Variants in OR3A1 observed in about 807,000 individuals in gnomAD.
OR3A1 encodes the protein olfactory receptor 3A1.
For synonymous variants in OR3A1, 145 were observed against 160.0 expected, an observed-to-expected ratio of 0.91 and a Z score of 0.71; for missense variants, 402 against 393.8, an observed-to-expected ratio of 1.02 and a Z score of -0.18.
rs1567544221 is a variant in OR3A1, at chr17:3,292,033, G to C, written c.550C>G (p.Leu184Val). The C allele has an allele frequency of 6.2e-7, 1 of 1,614,204 alleles. No individual in the cohort carries two copies. The highest frequency in any genetic ancestry group is 8.5e-7 in the Non-Finnish European group (1 of 1,180,032). ...CAGGAGAGCTGGAAGAGCTGTGGGA[G>C]GTCACAGTAGAAGTGATTGATCACA... Reference protein sequence around the residue: ...PNVINHFYCDLPQLFQLSCSS... With the variant: ...PNVINHFYCDVPQLFQLSCSS... The change falls in exon 2 of 2, where the codon CTC becomes GTC. Residue 184 changes from leucine (L) to valine (V), a missense_variant. By Grantham distance (32) the Leu-to-Val change is conservative. Coordinates refer to ENST00000323404, the MANE Select transcript of OR3A1 (RefSeq NM_002550.3).
rs1455170208 is a variant in OR3A1, at chr17:3,291,735, AC to A, written c.847del (p.Val283SerfsTer6). Reference protein sequence around the residue: ...KDKAVGIFNTVINPMLNPIIY... With the variant: ...KDKAVGIFNTXINPMLNPIIY... Reference sequence around the variant, plus strand: ...GATTGGGTTCAGCATGGGATTGATGACAGTGTTGAAAATTCCAACAGCTTTA... The same window carrying A: ...GATTGGGTTCAGCATGGGATTGATGAAGTGTTGAAAATTCCAACAGCTTTA... On this transcript the variant is annotated frameshift_variant, in exon 2 of 2. Transcript: ENST00000323404. LOFTEE classifies it low-confidence loss of function (END_TRUNC). 1 of 1,613,786 alleles carries A rather than the reference AC, an allele frequency of 6.2e-7. No homozygotes were observed. Among genetic ancestry groups the A allele is most frequent in the Non-Finnish European group, 8.5e-7 (1 of 1,179,666 alleles).
chr17:3,294,400 G>A, intron 1 of OR3A1, among the ~76,000 whole-genome samples: 1 of 151,854 alleles, frequency 6.6e-6, no homozygotes, highest in Non-Finnish European at 1.5e-5. Flanking sequence ...TTTAAAAGAT[G>A]ACAAGATGCA....
At chr17:3,295,096 T>C (rs1392759192) in intron 1 of OR3A1, among the ~76,000 whole-genome samples, 1 of 151,994 alleles carries the variant, frequency 6.6e-6, no homozygotes, top group African/African-American at 2.4e-5. Flanking sequence ...TTTGTGAAAA[T>C]TGTAAGTATG....
intron 1 of OR3A1, 57 bp from the exon 2 acceptor site, chr17:3,292,645 C>A: frequency 7.1e-7 from 1 of 1,412,814 alleles, no homozygotes; most frequent in East Asian, 2.3e-5. Flanking sequence ...TTTATTTACT[C>A]AAGAAAAAGA....
chr17:3,296,767 G>C (rs1242075494), intron 1 of OR3A1, among the ~76,000 whole-genome samples: 1 of 152,020 alleles, frequency 6.6e-6, no homozygotes, highest in African/African-American at 2.4e-5. Context: ...ATTACTATGG[G>C]AAAAAGATAC....
At chr17:3,295,175 G>A (rs2048909503) in intron 1 of OR3A1, among the ~76,000 whole-genome samples, 1 of 152,180 alleles carries the variant, frequency 6.6e-6, no homozygotes, top group Non-Finnish European at 1.5e-5. Context: ...AAAGGAGATA[G>A]GAGGACGTAT....
In OR3A1 at chr17:3,291,101, G is replaced by A. The variant is rs1367274973; in HGVS notation, c.*534C>T. The A allele has an allele frequency of 6.6e-6, 1 of 152,560 alleles. No individual in the cohort carries two copies. The highest frequency in any genetic ancestry group is 2.4e-5 in the African/African-American group (1 of 41,418). 9.5% of individuals were successfully genotyped at this position (152,560 alleles called of 1,614,324 possible). On this transcript the variant is annotated 3_prime_UTR_variant, in exon 2 of 2. Transcript: ENST00000323404. ...CCCCTCTGTCCCCTGTCTATGCTAT[G>A]GGGTCCTTGTTTAATGGGAATAGAA...
At position 3,292,288 on chromosome 17, in the gene OR3A1, C is replaced by A. The variant is rs369737085; in HGVS notation, c.295G>T (p.Ala99Ser). The A allele has an allele frequency of 3.1e-6, 5 of 1,614,036 alleles. No homozygotes were observed. The highest frequency in any genetic ancestry group is 4.2e-6 in the Non-Finnish European group (5 of 1,180,014). ...LSRKRAVPCGACLTQLFFFHL... is the reference protein window; with the variant it reads ...LSRKRAVPCGSCLTQLFFFHL... ...AAGAAGAAGAGCTGGGTAAGGCAGG[C>A]CCCACAGGGAACTGCACGCTTGCGG... is the stretch of plus-strand genomic sequence containing the variant. The change falls in exon 2 of 2, where the codon GCC becomes TCC. Residue 99 changes from alanine (A) to serine (S), a missense_variant. Physicochemically the swap from Ala to Ser is moderately conservative, Grantham distance 99. Transcript: ENST00000323404.
rs1033243552 is a variant in OR3A1 at position 3,292,549 on chromosome 17, T to C, written c.34A>G (p.Ile12Val). The C allele has an allele frequency of 2.5e-6, 4 of 1,612,844 alleles. No individual in the cohort carries two copies. Among genetic ancestry groups the C allele is most frequent in the Middle Eastern group, 3.3e-4 (2 of 6,046 alleles). Residue 12 changes from isoleucine to valine, a missense_variant, in exon 2 of 2, where the codon ATT (isoleucine) becomes GTT (valine). Transcript: ENST00000323404. The stretch of plus-strand genomic sequence containing the variant: ...AAGCCCAGCAGGATGAACTCAGCAA[T>C]GACTGTTCCATTGGCCCCAGATTCT... ...QPESGANGTV[I>V]AEFILLGLLE...
intron 1 of OR3A1, 143 bp downstream of exon 1, chr17:3,298,140 A>T (rs577408941): frequency 6.6e-6 from 1 of 152,304 alleles, no homozygotes; most frequent in East Asian, 1.9e-4. Flanking sequence ...AGACCCTATG[A>T]ATAAATAAGA....
Position 3,291,229 on chromosome 17 carries a change from A to C in OR3A1, c.*406T>G, listed in dbSNP as rs1032188490. The stretch of plus-strand genomic sequence containing the variant: ...TAATCTCTAGACCTATGTTTTATAA[A>C]CAGACCAAGCACACCTGAACTTGAG... On this transcript the variant is annotated 3_prime_UTR_variant, in exon 2 of 2. Coordinates refer to ENST00000323404, the MANE Select transcript of OR3A1 (RefSeq NM_002550.3). 5.9e-6 allele frequency: 1 copy of C among 168,594 alleles called. No homozygotes were observed. Among genetic ancestry groups the C allele is most frequent in the Non-Finnish European group, 1.3e-5 (1 of 78,876 alleles). The allele number at this position is 168,594 out of a possible 1,614,324, so 10.4% of individuals were successfully genotyped here. A position where few individuals can be genotyped will look rare whatever the true frequency, so the allele number is the denominator to read the frequency against.
chr17:3,291,078 C>T lies in OR3A1; in HGVS notation c.*557G>A, dbSNP rs962570834. On this transcript the variant is annotated 3_prime_UTR_variant, in exon 2 of 2. Coordinates refer to ENST00000323404, the MANE Select transcript of OR3A1 (RefSeq NM_002550.3). The stretch of plus-strand genomic sequence containing the variant: ...GAGAATACATAATCATACAGCTTCC[C>T]CTCTGTCCCCTGTCTATGCTATGGG... 4.6e-5 allele frequency: 7 copies of T among 152,252 alleles called. No individual in the cohort carries two copies. Among genetic ancestry groups the T allele is most frequent in the Non-Finnish European group, 1.0e-4 (7 of 68,112 alleles). The allele number at this position is 152,252 out of a possible 1,614,324, so 9.4% of individuals were successfully genotyped here.
rs185057612 is a variant in OR3A1 at position 3,293,528 on chromosome 17, C to T, written c.-6-940G>A. 1.3e-4 allele frequency among the ~76,000 whole-genome samples: 20 copies of T among 152,150 alleles called. No individual in the cohort carries two copies. The East Asian group carries it at 3.7e-3, about 28-fold the overall frequency. On this transcript the variant is annotated intron_variant, in intron 1 of 1. Transcript: ENST00000323404. ...AGCATCTTGTGAATATCTAGTTTGG[C>T]AAAAACTCATGTCATTTAAGGATTA...
Position 3,291,278 on chromosome 17 carries a change from G to C in OR3A1, c.*357C>G, listed in dbSNP as rs113609258. The C allele has an allele frequency of 4.5e-3, 896 of 199,846 alleles. 12 individuals are homozygous for C. Among genetic ancestry groups the C allele is most frequent in the African/African-American group, 0.02 (849 of 43,326 alleles). The allele number at this position is 199,846 out of a possible 1,614,324, so 12.4% of individuals were successfully genotyped here. Reference sequence around the variant, plus strand: ...AGGGAAAAATATGACTTCTGGCGGGGAGTTTTCTGGGGTACTTCTGGCAAC... The same window carrying C: ...AGGGAAAAATATGACTTCTGGCGGGCAGTTTTCTGGGGTACTTCTGGCAAC... On this transcript the variant is annotated 3_prime_UTR_variant, in exon 2 of 2. Coordinates refer to ENST00000323404, the MANE Select transcript of OR3A1 (RefSeq NM_002550.3).
In OR3A1 at chr17:3,292,482, A is replaced by T. The variant is rs773023996; in HGVS notation, c.101T>A (p.Phe34Tyr). 1.9e-6 allele frequency: 3 copies of T among 1,613,668 alleles called. No homozygotes were observed. The highest frequency in any genetic ancestry group is 2.5e-6 in the Non-Finnish European group (3 of 1,179,918). ...PGLQPVVFVLFLFAYLVTVRG... is the reference protein window; with the variant it reads ...PGLQPVVFVLYLFAYLVTVRG... ...GACCGTGACCAGGTAGGCAAAGAGGAAGAGCACAAAGACAACTGGCTGCAG... is the reference window on the plus strand; with the variant it reads ...GACCGTGACCAGGTAGGCAAAGAGGTAGAGCACAAAGACAACTGGCTGCAG... The change falls in exon 2 of 2, where the codon TTC (phenylalanine) becomes TAC (tyrosine). Residue 34 changes from phenylalanine to tyrosine, a missense_variant. Physicochemically the swap from Phe to Tyr is conservative, Grantham distance 22. Transcript: ENST00000323404.
Position 3,292,115 on chromosome 17 carries a change from G to A in OR3A1, c.468C>T (p.Phe156=). 6.2e-7 allele frequency: 1 copy of A among 1,614,188 alleles called. No individual in the cohort carries two copies. The highest frequency in any genetic ancestry group is 8.5e-7 in the Non-Finnish European group (1 of 1,180,034). The change falls in exon 2 of 2, where the codon TTC becomes TTT. Residue 156 remains phenylalanine (F), a synonymous_variant. Coordinates refer to ENST00000323404, the MANE Select transcript of OR3A1 (RefSeq NM_002550.3). The part of the protein sequence containing the change: ...MLVAASWACA[F]TNALTHTVAM... ...CCACAGTGTGGGTCAGTGCGTTGGT[G>A]AAAGCACAAGCCCAGGACGCAGCCA...
rs2048864557 is a variant in OR3A1 at position 3,291,358 on chromosome 17, C to T, written c.*277G>A. 3.0e-6 allele frequency: 1 copy of T among 335,194 alleles called. No individual in the cohort carries two copies. Among genetic ancestry groups the T allele is most frequent in the African/African-American group, 2.1e-5 (1 of 47,596 alleles). 20.8% of individuals were successfully genotyped at this position (335,194 alleles called of 1,614,324 possible). On this transcript the variant is annotated 3_prime_UTR_variant, in exon 2 of 2. Coordinates refer to ENST00000323404, the MANE Select transcript of OR3A1 (RefSeq NM_002550.3). ...CTTCTGGAACATGAACCTGTCAGCA[C>T]TCACAGCTTCCTAGGTTTCACCTCT...
intron 1 of OR3A1, among the ~76,000 whole-genome samples, chr17:3,295,184 A>G (rs16952831): frequency 6.6e-6 from 1 of 152,126 alleles, no homozygotes; most frequent in Non-Finnish European, 1.5e-5. Flanking sequence ...AGGAGGACGT[A>G]TGTGTTGATT....
Position 3,292,231 on chromosome 17 carries a change from G to A in OR3A1, c.352C>T (p.Leu118=), listed in dbSNP as rs772479742. ...AATCGGTCATAGGCCATGGCGGTCA[G>A]CAGGAAGCAGTCCACTCCAACGAAC... ...HLFVGVDCFL[L]TAMAYDRFLA... is the part of the protein sequence containing the mutation. Residue 118 remains leucine, a synonymous_variant, in exon 2 of 2, where the codon CTG becomes TTG. Coordinates refer to ENST00000323404, the MANE Select transcript of OR3A1 (RefSeq NM_002550.3). The A allele has an allele frequency of 5.0e-6, 8 of 1,614,162 alleles. No homozygotes were observed. In the South Asian group the frequency reaches 7.7e-5, roughly 16 times the overall value.
Sources: allele counts gnomAD v4.1 joint callset (sites outside exome capture counted in the v4.1 genomes callset), GRCh38; gene constraint gnomAD v4.1.1; transcripts MANE v1.5; gene names NCBI Gene and HGNC (gene_info 2026-07-23, HGNC 2026-07-21).